Variants in SEMA6D observed in about 807,000 individuals in gnomAD.
SEMA6D encodes the protein semaphorin 6D.
SEMA6D carries 35 observed loss-of-function variants against 106.6 expected under a neutral mutation model. That is an observed-to-expected ratio of 0.33 (90% CI 0.25 to 0.44). The LOEUF (loss-of-function observed/expected upper bound fraction) is 0.44, where lower values mean the gene tolerates loss of function less well. SEMA6D is among the 20% of genes least tolerant of loss of function. SEMA6D has a pLI of 1.00. For missense variants in SEMA6D, 1,185 were observed against 1,345.9 expected, an observed-to-expected ratio of 0.88 and a Z score of 1.87; for synonymous variants, 499 against 487.7, an observed-to-expected ratio of 1.02 and a Z score of -0.31.
intron 3 of SEMA6D, among the ~76,000 whole-genome samples, chr15:47,760,760 C>T (rs555946335): frequency 6.6e-6 from 1 of 152,030 alleles, no homozygotes; most frequent in Non-Finnish European, 1.5e-5. Context: ...CAGTTTGACC[C>T]ATGCCTGGAG....
intron 1 of SEMA6D, among the ~76,000 whole-genome samples, chr15:47,309,770 C>A (rs2036373245): frequency 6.6e-6 from 1 of 152,182 alleles, no homozygotes; most frequent in Admixed American, 6.5e-5. Flanking sequence ...TCATCTAACA[C>A]AAAGTCTATT....
intron 4 of SEMA6D, among the ~76,000 whole-genome samples, chr15:47,641,817 A>G (rs901364149): frequency 6.6e-6 from 1 of 152,096 alleles, no homozygotes; most frequent in African/African-American, 2.4e-5. Context: ...CACACTGCCC[A>G]CTGGTATTCC....
chr15:47,257,325 G>T lies in SEMA6D; in HGVS notation c.-239+72907G>T, dbSNP rs549276479. ...ACCCGCCTTGGCCCCCCAAAGTTCT[G>T]GGATTACAGGCGTGAGCCACTGCAC... On this transcript the variant is annotated intron_variant, in intron 1 of 19. Coordinates refer to the SEMA6D transcript ENST00000558014. Among the ~76,000 whole-genome samples the T allele has an allele frequency of 2.0e-5, 3 of 152,228 alleles. No homozygotes were observed. In the South Asian group the frequency reaches 6.2e-4, roughly 32 times the overall value.
At chr15:47,570,389 A>G (rs2142888572) in intron 3 of SEMA6D, among the ~76,000 whole-genome samples, 1 of 152,324 alleles carries the variant, frequency 6.6e-6, no homozygotes, top group East Asian at 1.9e-4. Context: ...TGAGGGTACA[A>G]TTATATGGGG....
chr15:47,494,774 AT>A (rs1361292238), intron 3 of SEMA6D, among the ~76,000 whole-genome samples: 8 of 96,996 alleles, frequency 8.2e-5, no homozygotes, highest in African/African-American at 2.8e-4. Context: ...ATATATATAT[AT>A]ATATATATAT....
chr15:47,668,043 C>G (rs1476389709), intron 4 of SEMA6D, among the ~76,000 whole-genome samples: 1 of 152,058 alleles, frequency 6.6e-6, no homozygotes. Context: ...TTAACGTTTT[C>G]TGAAACAAAT....
At chr15:47,600,682 G>A (rs558337949) in intron 3 of SEMA6D, among the ~76,000 whole-genome samples, 16 of 152,218 alleles carry the variant, frequency 1.1e-4, no homozygotes, top group African/African-American at 3.9e-4. Flanking sequence ...TTGCATTCAG[G>A]TTAGAATCCA....
intron 1 of SEMA6D, among the ~76,000 whole-genome samples, chr15:47,357,767 G>A (rs1045321014): frequency 2.0e-5 from 3 of 152,100 alleles, no homozygotes; most frequent in Non-Finnish European, 2.9e-5. Context: ...GACACACAAA[G>A]GATCAATACT....
intron 2 of SEMA6D, among the ~76,000 whole-genome samples, chr15:47,437,902 T>C (rs1273321472): frequency 1.3e-5 from 2 of 152,130 alleles, no homozygotes; most frequent in Non-Finnish European, 2.9e-5. Flanking sequence ...TCTTATTTGG[T>C]ACCTTGCTGC....
chr15:47,273,421 G>C (rs542333231), intron 1 of SEMA6D, among the ~76,000 whole-genome samples: 72 of 152,140 alleles, frequency 4.7e-4, no homozygotes, highest in Non-Finnish European at 8.2e-4. Flanking sequence ...GAAATCAATA[G>C]TCTCTGCTGT....
chr15:47,552,260 T>G (rs1178698031), intron 3 of SEMA6D, among the ~76,000 whole-genome samples: 1 of 152,112 alleles, frequency 6.6e-6, no homozygotes, highest in Non-Finnish European at 1.5e-5. Context: ...CACAAAATTA[T>G]ATATGCACCA....
intron 3 of SEMA6D, among the ~76,000 whole-genome samples, chr15:47,590,771 A>G (rs2076424312): frequency 6.6e-6 from 1 of 152,184 alleles, no homozygotes; most frequent in Admixed American, 6.5e-5. Flanking sequence ...ACCAGAAACT[A>G]GGAAAAGGCA....
intron 1 of SEMA6D, among the ~76,000 whole-genome samples, chr15:47,377,659 G>T (rs115366206): frequency 0.017 from 2,518 of 152,278 alleles, 62 homozygotes; most frequent in African/African-American, 0.058. Flanking sequence ...AGTAAGGGAG[G>T]CAAGGAGTGG....
At chr15:47,671,322 G>A (rs2145397679) in intron 4 of SEMA6D, among the ~76,000 whole-genome samples, 1 of 152,312 alleles carries the variant, frequency 6.6e-6, no homozygotes, top group Non-Finnish European at 1.5e-5. Flanking sequence ...TGGACATATT[G>A]TAAAATACAA....
chr15:47,482,131 A>G (rs1387174339), intron 3 of SEMA6D, among the ~76,000 whole-genome samples: 1 of 152,178 alleles, frequency 6.6e-6, no homozygotes, highest in Non-Finnish European at 1.5e-5. Flanking sequence ...GAAGGTCAGT[A>G]ATTGATCTCT....
intron 4 of SEMA6D, among the ~76,000 whole-genome samples, chr15:47,702,848 A>AG (rs1211456648): frequency 6.6e-6 from 1 of 152,152 alleles, no homozygotes; most frequent in African/African-American, 2.4e-5. Context: ...AGGGGTTGAG[A>AG]GGGGAAAAAA....
At chr15:47,479,736 T>C (rs992537237) in intron 3 of SEMA6D, among the ~76,000 whole-genome samples, 6 of 152,036 alleles carry the variant, frequency 3.9e-5, no homozygotes, top group African/African-American at 1.5e-4. Flanking sequence ...AATGAGGTTA[T>C]AAAAAGAGAT....
At chr15:47,761,452 A>G (rs780417997) in intron 6 of SEMA6D, 21 bp downstream of exon 6, 20 of 1,560,048 alleles carry the variant, frequency 1.3e-5, no homozygotes, top group Non-Finnish European at 1.7e-5. Context: ...TTTATGTGAT[A>G]TGCTTCTTTT....
intron 4 of SEMA6D, among the ~76,000 whole-genome samples, chr15:47,662,457 G>A (rs2145210429): frequency 6.6e-6 from 1 of 152,202 alleles, no homozygotes; most frequent in East Asian, 1.9e-4. Context: ...TTATCTTCTA[G>A]TGACAGTGTT....
Sources: allele counts gnomAD v4.1 joint callset (sites outside exome capture counted in the v4.1 genomes callset), GRCh38; gene constraint gnomAD v4.1.1; transcripts MANE v1.5; gene names NCBI Gene and HGNC (gene_info 2026-07-23, HGNC 2026-07-21).